The following RGS3 variants were observed in gnomAD, a reference collection of about 807,000 sequenced individuals.
RGS3 encodes the protein regulator of G-protein signalling 3.
A neutral mutation model predicts 132.6 loss-of-function variants in RGS3; 80 were observed. The observed-to-expected ratio is 0.60, with a 90% CI of 0.50 to 0.73. The LOEUF (loss-of-function observed/expected upper bound fraction) is 0.73, where lower values mean the gene tolerates loss of function less well. Ranked by LOEUF, RGS3 falls within the 30% of genes least tolerant of loss-of-function variation. The probability of loss-of-function intolerance (pLI) is 0.00; values close to 1 mark genes in which losing one functional copy is unlikely to be tolerated. For missense variants in RGS3, 1,382 were observed against 1,530.8 expected, an observed-to-expected ratio of 0.90 and a Z score of 1.62; for synonymous variants, 598 against 620.6, an observed-to-expected ratio of 0.96 and a Z score of 0.54.
chr9:113,584,421 C>G, exon 20 of RGS3: 1 of 1,509,698 alleles, frequency 6.6e-7, no homozygotes, highest in Non-Finnish European at 8.8e-7. Flanking sequence ...TCACAGGACA[C>G]AGGAAGGTGA....
At chr9:113,481,932 G>A (rs1032468748) in intron 4 of RGS3, among the ~76,000 whole-genome samples, 9 of 151,920 alleles carry the variant, frequency 5.9e-5, no homozygotes, top group African/African-American at 1.9e-4. Context: ...TGTAATCCCC[G>A]CTACTTGGCA....
chr9:113,566,349 G>C (rs867779752), intron 19 of RGS3, among the ~76,000 whole-genome samples: 39 of 152,326 alleles, frequency 2.6e-4, no homozygotes, highest in African/African-American at 8.9e-4. Context: ...GGCAGGGGGT[G>C]GTGGTAGAGA....
chr9:113,566,922 G>A (rs910660305), intron 19 of RGS3, among the ~76,000 whole-genome samples: 5 of 152,266 alleles, frequency 3.3e-5, no homozygotes, highest in African/African-American at 7.2e-5. Context: ...CCAGCCAAGG[G>A]GCACCTCCCC....
At chr9:113,515,796 G>A (rs1486101485) in intron 15 of RGS3, among the ~76,000 whole-genome samples, 1 of 152,138 alleles carries the variant, frequency 6.6e-6, no homozygotes, top group African/African-American at 2.4e-5. Context: ...GAAAATTGTA[G>A]CATGAACCTT....
At chr9:113,595,077 T>A (rs1192934232) in intron 23 of RGS3, 97 bp downstream of exon 21, 54 of 1,163,894 alleles carry the variant, frequency 4.6e-5, no homozygotes, top group Non-Finnish European at 6.7e-5. Context: ...GAGGCCGCCT[T>A]CCCTCTCCTC....
At chr9:113,470,457 A>G (rs1486981189) in intron 3 of RGS3, among the ~76,000 whole-genome samples, 1 of 152,238 alleles carries the variant, frequency 6.6e-6, no homozygotes, top group African/African-American at 2.4e-5. Flanking sequence ...TAGAATTATT[A>G]TCTTTCTGGT....
rs1037369274 is a variant in RGS3 at position 113,591,810 on chromosome 9, T to G, written c.3080+413T>G. The G allele has an allele frequency of 5.4e-6, 1 of 184,022 alleles. No homozygotes were observed. Among genetic ancestry groups the G allele is most frequent in the Non-Finnish European group, 1.2e-5 (1 of 84,928 alleles). The allele number at this position is 184,022 out of a possible 1,614,324, so 11.4% of individuals were successfully genotyped here. A position where few individuals can be genotyped will look rare whatever the true frequency, so the allele number is the denominator to read the frequency against. On this transcript the variant is annotated intron_variant, in intron 21 of 24. Coordinates refer to ENST00000350696, the Ensembl canonical transcript of RGS3. This position sits in a 1 kb window ranked among gnomAD's most constrained non-coding sequence, Gnocchi z 4.4. ...TTTCTCTTCCTGAGCTCCTGAATGC[T>G]AATAGTCTCAGGCATTGCCAGGAGG...
chr9:113,454,695 T>TTTC, intron 1 of RGS3, among the ~76,000 whole-genome samples: 1 of 150,812 alleles, frequency 6.6e-6, no homozygotes, highest in African/African-American at 2.4e-5. Context: ...TTTTTTTTTT[T>TTTC]TTTTTTTTTT....
chr9:113,536,477 G>C, intron 18 of RGS3: 8 of 1,042,350 alleles, frequency 7.7e-6, no homozygotes, highest in Non-Finnish European at 9.2e-6. Flanking sequence ...CTGCTGCTTT[G>C]TGCTGCCTGC....
Position 113,485,613 on chromosome 9 carries a change from T to A in RGS3, c.621-12T>A. On this transcript the variant is annotated splice_polypyrimidine_tract_variant and intron_variant, in intron 6 of 24. Transcript: ENST00000350696. Reference sequence around the variant, plus strand: ...CCTTACTAACACTCCGATGGTCTGATTGATTTCGCAGTCCTGTCCAAGAGG... The same window carrying A: ...CCTTACTAACACTCCGATGGTCTGAATGATTTCGCAGTCCTGTCCAAGAGG... 6.3e-7 allele frequency: 1 copy of A among 1,590,042 alleles called. No homozygotes were observed. The highest frequency in any genetic ancestry group is 1.3e-5 in the African/African-American group (1 of 74,890).
chr9:113,453,967 G>A (rs553221096), intron 1 of RGS3, among the ~76,000 whole-genome samples: 3 of 152,004 alleles, frequency 2.0e-5, no homozygotes, highest in Admixed American at 2.0e-4. Flanking sequence ...ACAGTCATGT[G>A]CCACCATGCC....
In RGS3 at chr9:113,507,354, G is replaced by A; in HGVS notation, c.1153G>A (p.Gly385Ser). Residue 385 changes from glycine (G) to serine (S), a missense_variant, in exon 13 of 25, where the codon GGC (glycine) becomes AGC (serine). Gly to Ser is a moderately conservative substitution (Grantham distance 56, BLOSUM62 0). Transcript: ENST00000350696. The surrounding 1 kb of genome is among the most constrained non-coding windows in gnomAD (Gnocchi z 5.0). ...CCCCCAGGTCAAGCCAGGACCAGAT[G>A]GCGGGGTCCTGCGGCGGGCCTCCTG... 1 of 1,613,994 alleles carries A rather than the reference G, an allele frequency of 6.2e-7. No homozygotes were observed. Among genetic ancestry groups the A allele is most frequent in the South Asian group, 1.1e-5 (1 of 91,082 alleles).
chr9:113,571,819 C>A (rs560505378), intron 19 of RGS3, among the ~76,000 whole-genome samples: 195 of 152,226 alleles, frequency 1.3e-3, no homozygotes, highest in Non-Finnish European at 1.6e-3. Flanking sequence ...TTTATGTATT[C>A]TTTTAGATGT....
Position 113,495,659 on chromosome 9 carries a change from G to A in RGS3, c.690-127G>A, listed in dbSNP as rs940736494. The A allele has an allele frequency of 4.5e-5, 35 of 770,024 alleles. 2 individuals carry two copies. Among genetic ancestry groups the A allele is most frequent in the Admixed American group, 3.6e-4 (20 of 55,486 alleles). The allele number at this position is 770,024 out of a possible 1,614,324, so 47.7% of individuals were successfully genotyped here. ...CCTCACAGAGTCAGAAGGATCAAAC[G>A]AGATGATGTGGGTAAAAAGCTTTGT... On this transcript the variant is annotated intron_variant, in intron 7 of 24. Coordinates refer to ENST00000350696, the Ensembl canonical transcript of RGS3.
At chr9:113,521,304 C>T (rs1831944282) in intron 16 of RGS3, among the ~76,000 whole-genome samples, 1 of 152,186 alleles carries the variant, frequency 6.6e-6, no homozygotes, top group African/African-American at 2.4e-5. Context: ...ATTTGTGCTA[C>T]ACTCAAGAAG....
upstream of RGS3, among the ~76,000 whole-genome samples, chr9:113,456,861 G>A (rs904321985): frequency 2.0e-5 from 3 of 151,956 alleles, no homozygotes; most frequent in Non-Finnish European, 2.9e-5. Context: ...AGTACAATGC[G>A]ATGATCTCAG....
exon 24 of RGS3, chr9:113,595,612 G>A: frequency 6.2e-7 from 1 of 1,614,176 alleles, no homozygotes; most frequent in Non-Finnish European, 8.5e-7. Flanking sequence ...GGTTAGCAGT[G>A]TTCCAAGCCT....
intron 3 of RGS3, among the ~76,000 whole-genome samples, chr9:113,470,635 C>T (rs1829798026): frequency 6.6e-6 from 1 of 152,058 alleles, no homozygotes; most frequent in Non-Finnish European, 1.5e-5. Flanking sequence ...CTTTTTGGAT[C>T]TACATTGTAG....
chr9:113,509,249 C>T (rs976551498), intron 14 of RGS3, among the ~76,000 whole-genome samples: 3 of 151,676 alleles, frequency 2.0e-5, no homozygotes, highest in South Asian at 4.2e-4. Context: ...CATGCCACTG[C>T]ACTCTAGCCT....
Sources: allele counts gnomAD v4.1 joint callset (sites outside exome capture counted in the v4.1 genomes callset), GRCh38; gene constraint gnomAD v4.1.1; non-coding constraint Gnocchi (gnomAD v3.1); transcripts MANE v1.5; gene names NCBI Gene and HGNC (gene_info 2026-07-23, HGNC 2026-07-21).